The following FAT1 variants were observed in gnomAD, a reference collection of about 807,000 sequenced individuals.
FAT1 encodes the protein FAT atypical cadherin 1.
FAT1 carries 171 observed loss-of-function variants against 329.8 expected under a neutral mutation model. The observed-to-expected ratio is 0.52, with a 90% CI of 0.46 to 0.59. The LOEUF (loss-of-function observed/expected upper bound fraction) is 0.59, where lower values mean the gene tolerates loss of function less well. Ranked by LOEUF, FAT1 falls within the 20% of genes least tolerant of loss-of-function variation. The pLI is 0.00. For missense variants in FAT1, 5,672 were observed against 5,774.4 expected, an observed-to-expected ratio of 0.98 and a Z score of 0.57; for synonymous variants, 2,233 against 2,228.6, an observed-to-expected ratio of 1.00 and a Z score of -0.06.
At position 186,636,776 on chromosome 4, in the gene FAT1, C is replaced by G. The variant is rs905514850; in HGVS notation, c.3781G>C (p.Asp1261His). 1 of 1,613,972 alleles carries G rather than the reference C, an allele frequency of 6.2e-7. No individual in the cohort carries two copies. Among genetic ancestry groups the G allele is most frequent in the East Asian group, 2.2e-5 (1 of 44,860 alleles). ...TCCCGTCTGGCATTTCTTTCTCGGT[C>G]TGGCTTTTCCCGCTCAGGGAGTCTG... The part of the protein sequence containing the change: ...KIRLPEREKP[D>H]RERNARREPL... The change falls in exon 5 of 27, where the codon GAC (aspartate) becomes CAC (histidine). Residue 1261 changes from aspartate to histidine, a missense_variant. Physicochemically the swap from Asp to His is moderately conservative, Grantham distance 81. Coordinates refer to ENST00000441802, the MANE Select transcript of FAT1 (RefSeq NM_005245.4).
rs193295776 is a variant in FAT1 at position 186,653,668 on chromosome 4, G to A, written c.3580+9631C>T. Reference sequence around the variant, plus strand: ...TTTTAAATGGTTGAAAAAAACTTTTGTGATACATGAAAAGGGCAGAAAATT... The same window carrying A: ...TTTTAAATGGTTGAAAAAAACTTTTATGATACATGAAAAGGGCAGAAAATT... On this transcript the variant is annotated intron_variant, in intron 3 of 26. Coordinates refer to ENST00000441802, the MANE Select transcript of FAT1 (RefSeq NM_005245.4). Among the ~76,000 whole-genome samples the A allele has an allele frequency of 7.9e-3, 1,195 of 152,226 alleles. 10 individuals carry two copies. The highest frequency in any genetic ancestry group is 0.01 in the Non-Finnish European group (713 of 68,014).
At chr4:186,609,406 C>T (rs2126457504) in intron 15 of FAT1, 86 bp from the exon 16 acceptor site, 1 of 1,459,946 alleles carries the variant, frequency 6.8e-7, no homozygotes, top group Non-Finnish European at 9.2e-7. Context: ...AATAGCTTAG[C>T]TGTTTCTTTT....
intron 2 of FAT1, among the ~76,000 whole-genome samples, chr4:186,677,044 T>A (rs1742992116): frequency 6.6e-6 from 1 of 152,196 alleles, no homozygotes; most frequent in Admixed American, 6.5e-5. Flanking sequence ...CAAGTAGCAT[T>A]TTCCTTTACT....
chr4:186,696,820 T>C (rs1744061555), intron 2 of FAT1, among the ~76,000 whole-genome samples: 1 of 152,158 alleles, frequency 6.6e-6, no homozygotes. Context: ...GATCAGGAGT[T>C]CGAGACCAGC....
chr4:186,643,590 T>A (rs1741200647), intron 3 of FAT1, among the ~76,000 whole-genome samples: 1 of 152,120 alleles, frequency 6.6e-6, no homozygotes, highest in Admixed American at 6.6e-5. Flanking sequence ...AATTTCCTAA[T>A]GATGTAATTT....
At chr4:186,663,868 TA>T (rs1320857027) in intron 2 of FAT1, among the ~76,000 whole-genome samples, 1 of 152,226 alleles carries the variant, frequency 6.6e-6, no homozygotes, top group East Asian at 1.9e-4. Context: ...AAGTATTTGT[TA>T]TTAGAATCAG....
intron 3 of FAT1, among the ~76,000 whole-genome samples, chr4:186,657,259 C>A (rs1389430461): frequency 6.6e-6 from 1 of 152,142 alleles, no homozygotes; most frequent in Non-Finnish European, 1.5e-5. Flanking sequence ...AGTGGATAAA[C>A]AAATTATAAT....
chr4:186,594,314 A>G (rs145270863), intron 26 of FAT1, among the ~76,000 whole-genome samples: 7,501 of 151,684 alleles, frequency 0.049, 372 homozygotes, highest in African/African-American at 0.13. Context: ...GCCCGCCTTC[A>G]CCTCCCAAAG....
chr4:186,676,223 A>C (rs1286564106), intron 2 of FAT1, among the ~76,000 whole-genome samples: 1 of 151,984 alleles, frequency 6.6e-6, no homozygotes, highest in Non-Finnish European at 1.5e-5. Context: ...CTTGAATTTT[A>C]TAATGCAACA....
At position 186,630,179 on chromosome 4, in the gene FAT1, C is replaced by G. The variant is rs1048256198; in HGVS notation, c.4324-1416G>C. Among the ~76,000 whole-genome samples, 3 of 152,206 alleles carry G rather than the reference C, an allele frequency of 2.0e-5. No homozygotes were observed. In the East Asian group the frequency reaches 5.8e-4, roughly 29 times the overall value. The stretch of plus-strand genomic sequence containing the variant: ...CTTACCAGGCAATGTTCTGCACATG[C>G]ACAGCCTAACCATGTCTCATATATT... On this transcript the variant is annotated intron_variant, in intron 7 of 26. Coordinates refer to ENST00000441802, the MANE Select transcript of FAT1 (RefSeq NM_005245.4).
intron 3 of FAT1, among the ~76,000 whole-genome samples, chr4:186,658,995 A>G (rs1742042250): frequency 6.6e-6 from 1 of 152,244 alleles, no homozygotes; most frequent in African/African-American, 2.4e-5. Flanking sequence ...CTGCATAACG[A>G]CGTGTCAGTT....
rs1436843901 is a variant in FAT1, at chr4:186,604,439, C to T, written c.10486G>A (p.Val3496Ile). ...TTGATGGCAGATGATGTCAGGAGGA[C>T]TCCTTGCGGGTTAACTTCAAAAGCC... ...EKAFEVNPQGVLLTSSAIKRK... is the reference protein window; with the variant it reads ...EKAFEVNPQGILLTSSAIKRK... The change falls in exon 18 of 27, where the codon GTC becomes ATC. Residue 3496 changes from valine (V) to isoleucine (I), a missense_variant. By Grantham distance (29) the Val-to-Ile change is conservative. Transcript: ENST00000441802. The T allele has an allele frequency of 6.2e-7, 1 of 1,613,982 alleles. No individual in the cohort carries two copies. The highest frequency in any genetic ancestry group is 8.5e-7 in the Non-Finnish European group (1 of 1,179,882).
At chr4:186,636,514 A>G in intron 5 of FAT1, 71 bp downstream of exon 5, 1 of 1,439,736 alleles carries the variant, frequency 6.9e-7, no homozygotes, top group Non-Finnish European at 9.4e-7. Flanking sequence ...TAAAGTTACT[A>G]AAGAAAAAAT....
rs201060026 is a variant in FAT1, at chr4:186,628,300, G to T, written c.4664C>A (p.Thr1555Lys). 6.2e-7 allele frequency: 1 copy of T among 1,613,586 alleles called. No homozygotes were observed. Among genetic ancestry groups the T allele is most frequent in the East Asian group, 2.2e-5 (1 of 44,870 alleles). ...GGTGAACCACGGGGCGTGGTCATTC[G>T]TGTCGCTGACATTGACCACAATCCT... ...FARIVVNVSD[T>K]NDHAPWFTAS... Residue 1555 changes from threonine (T) to lysine (K), a missense_variant, in exon 9 of 27, where the codon ACG becomes AAG. Thr to Lys is a moderately conservative substitution (Grantham distance 78). Transcript: ENST00000441802.
intron 2 of FAT1, among the ~76,000 whole-genome samples, chr4:186,706,099 T>C (rs1744573479): frequency 1.3e-5 from 2 of 152,180 alleles, no homozygotes; most frequent in Non-Finnish European, 2.9e-5. Flanking sequence ...TTTTGGCACA[T>C]CATCTCTGCA....
chr4:186,708,389 G>C lies in FAT1; in HGVS notation c.1439C>G (p.Thr480Ser), dbSNP rs2126696089. 5.0e-6 allele frequency: 8 copies of C among 1,613,946 alleles called. No homozygotes were observed. Among genetic ancestry groups the C allele is most frequent in the Non-Finnish European group, 6.8e-6 (8 of 1,179,868 alleles). Reference protein sequence around the residue: ...AAFDENVPIGTTVMSLSAVDP... With the variant: ...AAFDENVPIGSTVMSLSAVDP... Reference sequence around the variant, plus strand: ...TACGGCACTCAGGCTCATGACAGTAGTACCAATGGGCACGTTCTCATCAAA... The same window carrying C: ...TACGGCACTCAGGCTCATGACAGTACTACCAATGGGCACGTTCTCATCAAA... The change falls in exon 2 of 27, where the codon ACT (threonine) becomes AGT (serine). Residue 480 changes from threonine (T) to serine (S), a missense_variant. Around this residue, in one of 2 missense-constraint regions of FAT1, gnomAD observed 3,966 missense variants for 3,915.2 expected, o/e 1.01. Coordinates refer to ENST00000441802, the MANE Select transcript of FAT1 (RefSeq NM_005245.4).
In FAT1 at chr4:186,706,674, A is replaced by G. The variant is rs1378543121; in HGVS notation, c.3154T>C (p.Leu1052=). The change falls in exon 2 of 27, where the codon TTG becomes CTG. Residue 1052 remains leucine, a synonymous_variant. Transcript: ENST00000441802. ...TCATGAGCCGACACCGTCATTACCA[A>G]TGAACCAACAGGTGCATCTTCTTTC... ...TVKEDAPVGS[L]VMTVSAHDED... is the part of the protein sequence containing the mutation. 9 of 1,613,992 alleles carry G rather than the reference A, an allele frequency of 5.6e-6. No individual in the cohort carries two copies. Among genetic ancestry groups the G allele is most frequent in the African/African-American group, 1.3e-5 (1 of 75,036 alleles).
intron 24 of FAT1, 142 bp from the exon 25 acceptor site, chr4:186,597,313 G>A (rs1016280976): frequency 1.1e-6 from 1 of 914,896 alleles, no homozygotes; most frequent in Non-Finnish European, 1.6e-6. Context: ...ACTAAAAAAT[G>A]TAACGTCGAC....
chr4:186,669,556 A>C (rs1225734245), intron 2 of FAT1, among the ~76,000 whole-genome samples: 1 of 152,218 alleles, frequency 6.6e-6, no homozygotes, highest in Non-Finnish European at 1.5e-5. Flanking sequence ...ATCCGAAAGA[A>C]GCCGGAAATT....
Sources: allele counts gnomAD v4.1 joint callset (sites outside exome capture counted in the v4.1 genomes callset), GRCh38; gene constraint gnomAD v4.1.1; regional missense constraint gnomAD v4.1.1; transcripts MANE v1.5; gene names NCBI Gene and HGNC (gene_info 2026-07-23, HGNC 2026-07-21).